PHF3: variants seen among roughly 807,000 people sequenced by gnomAD.
The protein encoded by PHF3 is PHD finger protein 3.
Under a neutral mutation model 178.4 loss-of-function variants are expected in PHF3, and 41 were observed. The observed-to-expected ratio is 0.23, with a 90% CI of 0.18 to 0.30. PHF3 has a LOEUF of 0.30. Among genes scored for constraint, PHF3 ranks in the 10% least tolerant of loss-of-function variants. PHF3 has a pLI of 1.00. For missense variants in PHF3, 2,346 were observed against 2,398.1 expected (o/e 0.98, Z 0.45); for synonymous variants, 842 against 800.5 (o/e 1.05, Z -0.88).
chr6:63,647,008 T>C (rs1764818840), intron 2 of PHF3, among the ~76,000 whole-genome samples: 1 of 151,562 alleles, frequency 6.6e-6, no homozygotes, highest in African/African-American at 2.4e-5. Flanking sequence ...TGTGGAGTTA[T>C]CCTCAAGGAT....
chr6:63,699,409 G>T (rs1466154297), intron 8 of PHF3, among the ~76,000 whole-genome samples: 1 of 152,126 alleles, frequency 6.6e-6, no homozygotes, highest in East Asian at 1.9e-4. Flanking sequence ...TCACACAACT[G>T]ATATAAATTT....
intron 1 of PHF3, among the ~76,000 whole-genome samples, chr6:63,642,470 AAC>A (rs1764616828): frequency 6.6e-6 from 1 of 152,268 alleles, no homozygotes; most frequent in Non-Finnish European, 1.5e-5. Flanking sequence ...GTAGATGCTT[AAC>A]ACATGTATGA....
chr6:63,655,976 C>T (rs971053548), intron 2 of PHF3, among the ~76,000 whole-genome samples: 2 of 152,158 alleles, frequency 1.3e-5, no homozygotes, highest in African/African-American at 4.8e-5. Context: ...TTGTGCAGTT[C>T]TTTTCAAATA....
rs536699982 is a variant in PHF3 at position 63,713,764 on chromosome 6, G to T, written c.*56G>T. The stretch of plus-strand genomic sequence containing the variant: ...AATAACTGTTAAAATGTTGTATCTT[G>T]TAAACAAAAGAAAGATTGCCTGCTA... On this transcript the variant is annotated 3_prime_UTR_variant, in exon 16 of 16. Coordinates refer to ENST00000262043, the MANE Select transcript of PHF3 (RefSeq NM_001370348.2). 1.5e-6 allele frequency: 2 copies of T among 1,369,648 alleles called. No homozygotes were observed. Among genetic ancestry groups the T allele is most frequent in the Non-Finnish European group, 2.0e-6 (2 of 1,019,744 alleles). 84.8% of individuals were successfully genotyped at this position (1,369,648 alleles called of 1,614,324 possible). A position where few individuals can be genotyped will look rare whatever the true frequency, so the allele number is the denominator to read the frequency against.
chr6:63,686,015 C>CA lies in PHF3; in HGVS notation c.2189+105dup, dbSNP rs2149585343. 10 of 738,824 alleles carry CA rather than the reference C, an allele frequency of 1.4e-5. No individual in the cohort carries two copies. In the South Asian group the frequency reaches 1.7e-4, roughly 12 times the overall value. The allele number at this position is 738,824 out of a possible 1,614,324, so 45.8% of individuals were successfully genotyped here. ...TGTTTTAAAGACATTATTTGATACA[C>CA]AGAGACCTGTGCAAAAACAAAAAGC... On this transcript the variant is annotated intron_variant, in intron 4 of 15. Transcript: ENST00000262043.
chr6:63,637,637 T>TTCG (rs1554145575), intron 1 of PHF3, among the ~76,000 whole-genome samples: 1 of 151,988 alleles, frequency 6.6e-6, no homozygotes. Flanking sequence ...GATTCTTTCC[T>TTCG]TCATCATCGT....
chr6:63,689,142 A>G (rs558425681), intron 4 of PHF3, among the ~76,000 whole-genome samples: 28 of 152,324 alleles, frequency 1.8e-4, no homozygotes, highest in African/African-American at 6.5e-4. Context: ...CTTACATCAA[A>G]GGTGTATGAT....
At chr6:63,643,687 G>GT (rs1252347505) in intron 1 of PHF3, among the ~76,000 whole-genome samples, 2 of 152,178 alleles carry the variant, frequency 1.3e-5, no homozygotes, top group Non-Finnish European at 2.9e-5. Flanking sequence ...ACTTGTGACT[G>GT]TGGAAACCTT....
intron 1 of PHF3, among the ~76,000 whole-genome samples, chr6:63,644,745 A>G (rs750864069): frequency 1.7e-4 from 26 of 152,196 alleles, no homozygotes; most frequent in Non-Finnish European, 3.7e-4. Flanking sequence ...TAATAAATGC[A>G]TTCATTAAAA....
intron 4 of PHF3, among the ~76,000 whole-genome samples, chr6:63,691,084 G>A (rs894279676): frequency 3.3e-5 from 5 of 152,082 alleles, no homozygotes; most frequent in African/African-American, 1.2e-4. Context: ...CATTAGTAAG[G>A]AAGTCCTTTG....
intron 2 of PHF3, among the ~76,000 whole-genome samples, chr6:63,650,460 C>T (rs559802477): frequency 1.3e-5 from 2 of 152,290 alleles, no homozygotes; most frequent in East Asian, 1.9e-4. Flanking sequence ...GCTTACATCA[C>T]ATGTTGCTTT....
chr6:63,698,475 C>T lies in PHF3; in HGVS notation c.2852C>T (p.Pro951Leu), dbSNP rs1314756896. The change falls in exon 8 of 16, where the codon CCA (proline) becomes CTA (leucine). Residue 951 changes from proline to leucine, a missense_variant. Around this residue, in one of 8 missense-constraint regions of PHF3, gnomAD observed 252 missense variants for 232.0 expected, o/e 1.09. Coordinates refer to ENST00000262043, the MANE Select transcript of PHF3 (RefSeq NM_001370348.2). ...KRLTDSNLKV[P>L]EEKAAKVATK... ...CTTACAGACTCAAATTTGAAGGTACCAGAGGAAAAGGCAGCAAAAGTTGCC... is the reference window on the plus strand; with the variant it reads ...CTTACAGACTCAAATTTGAAGGTACTAGAGGAAAAGGCAGCAAAAGTTGCC... 1.9e-6 allele frequency: 3 copies of T among 1,598,504 alleles called. No individual in the cohort carries two copies. In the South Asian group the frequency reaches 3.4e-5, roughly 18 times the overall value.
Position 63,680,084 on chromosome 6 carries a change from C to G in PHF3, c.329C>G (p.Pro110Arg). The G allele has an allele frequency of 6.2e-7, 1 of 1,612,498 alleles. No homozygotes were observed. The change falls in exon 3 of 16, where the codon CCT (proline) becomes CGT (arginine). Residue 110 changes from proline (P) to arginine (R), a missense_variant. Coordinates refer to ENST00000262043, the MANE Select transcript of PHF3 (RefSeq NM_001370348.2). ...ATTGATGAAGAAGAACTGATTTTACCTAACAGGAACTTAAGGGACAAGGTA... is the reference window on the plus strand; with the variant it reads ...ATTGATGAAGAAGAACTGATTTTACGTAACAGGAACTTAAGGGACAAGGTA... ...DTIDEEELIL[P>R]NRNLRDKVEE...
intron 2 of PHF3, among the ~76,000 whole-genome samples, chr6:63,674,501 A>G (rs1187804607): frequency 6.6e-6 from 1 of 151,904 alleles, no homozygotes; most frequent in Admixed American, 6.6e-5. Flanking sequence ...TGTATGTAAC[A>G]TACAACTCGA....
Position 63,706,149 on chromosome 6 carries a change from C to T in PHF3, c.3488C>T (p.Ser1163Leu), listed in dbSNP as rs1352535181. The change falls in exon 12 of 16, where the codon TCA (serine) becomes TTA (leucine). Residue 1163 changes from serine to leucine, a missense_variant. Ser to Leu is a moderately radical substitution (Grantham distance 145, BLOSUM62 -2). This residue lies in a region of PHF3 where 205 missense variants were observed against 212.4 expected (regional missense o/e 0.97). Transcript: ENST00000262043. ...ESIADALSST[S>L]NILASEFFEE... ...ATAGCAGATGCATTATCTTCAACCTCAAATATTTTGGCTTCTGAATTCTTT... is the reference window on the plus strand; with the variant it reads ...ATAGCAGATGCATTATCTTCAACCTTAAATATTTTGGCTTCTGAATTCTTT... The T allele has an allele frequency of 6.2e-7, 1 of 1,614,038 alleles. No individual in the cohort carries two copies. The highest frequency in any genetic ancestry group is 8.5e-7 in the Non-Finnish European group (1 of 1,179,936).
chr6:63,700,623 C>T (rs200878731), intron 9 of PHF3, among the ~76,000 whole-genome samples, 157 bp downstream of exon 9: 3 of 151,970 alleles, frequency 2.0e-5, no homozygotes, highest in Non-Finnish European at 2.9e-5. Flanking sequence ...CTAGCTCATT[C>T]GCCAGGCTGG....
At position 63,647,658 on chromosome 6, in the gene PHF3, AGATAGTAATTTTCTGTAAG is replaced by A. The variant is rs537371139; in HGVS notation, c.244+865_244+883del. Among the ~76,000 whole-genome samples, 7 of 152,328 alleles carry A rather than the reference AGATAGTAATTTTCTGTAAG, an allele frequency of 4.6e-5. No homozygotes were observed. The East Asian group carries it at 1.3e-3, about 29-fold the overall frequency. On this transcript the variant is annotated intron_variant, in intron 2 of 15. Coordinates refer to ENST00000262043, the MANE Select transcript of PHF3 (RefSeq NM_001370348.2). ...GTAGTTGAAGTAACTGAAAGACTGA[AGATAGTAATTTTCTGTAAG>A]GCTAAACTATCCTTAATAAGAAATT...
chr6:63,638,341 G>C (rs1386025979), intron 1 of PHF3, among the ~76,000 whole-genome samples: 3 of 151,990 alleles, frequency 2.0e-5, no homozygotes, highest in Non-Finnish European at 4.4e-5. Context: ...GGAAAAACTG[G>C]TGAATGAAAA....
intron 2 of PHF3, among the ~76,000 whole-genome samples, chr6:63,649,989 A>G (rs1485479474): frequency 6.6e-6 from 1 of 152,224 alleles, no homozygotes; most frequent in Non-Finnish European, 1.5e-5. Context: ...TTACAAACAA[A>G]TGTGTTCCCT....
Sources: gnomAD v4.1 joint callset for allele counts (sites outside exome capture counted in the v4.1 genomes callset) on GRCh38, gnomAD v4.1.1 for gene constraint, gnomAD v4.1.1 regional missense constraint, MANE v1.5 for transcripts, NCBI Gene and HGNC (gene_info 2026-07-23, HGNC 2026-07-21) for gene names.